DUS4L: variants seen among roughly 807,000 people sequenced by gnomAD.
DUS4L encodes the protein tRNA-dihydrouridine(20a/20b) synthase [NAD(P)+]-like.
Under a neutral mutation model 33.8 loss-of-function variants are expected in DUS4L, and 31 were observed. That is an observed-to-expected ratio of 0.92 (90% CI 0.69 to 1.24). The LOEUF (loss-of-function observed/expected upper bound fraction) is 1.24, where lower values mean the gene tolerates loss of function less well. DUS4L is among the 50% of genes most tolerant of loss of function. The pLI is 0.00. For synonymous variants in DUS4L, 103 were observed against 120.3 expected (o/e 0.86, Z 0.94); for missense variants, 368 against 388.6 (o/e 0.95, Z 0.45).
chr7:107,571,388 T>C, intron 4 of DUS4L, 122 bp downstream of exon 4: 2 of 1,368,090 alleles, frequency 1.5e-6, no homozygotes, highest in Non-Finnish European at 9.7e-7. Context: ...TTCTTTAGTG[T>C]TTTTAATAAG....
At chr7:107,575,952 C>T (rs944462848) in intron 6 of DUS4L, among the ~76,000 whole-genome samples, 3 of 152,210 alleles carry the variant, frequency 2.0e-5, no homozygotes, top group Non-Finnish European at 4.4e-5. Context: ...CTCAGCCTCT[C>T]AATGTGCTGG....
chr7:107,566,633 G>T (rs968496139), intron 2 of DUS4L, among the ~76,000 whole-genome samples: 34 of 152,204 alleles, frequency 2.2e-4, no homozygotes, highest in Non-Finnish European at 3.1e-4. Context: ...CTCTATTAAT[G>T]CCATTTAACT....
rs774814119 is a variant in DUS4L, at chr7:107,577,574, ATAATTT to A, written c.*19_*24del. 1.0e-5 allele frequency: 16 copies of A among 1,607,178 alleles called. No individual in the cohort carries two copies. Among genetic ancestry groups the A allele is most frequent in the African/African-American group, 2.7e-5 (2 of 74,634 alleles). On this transcript the variant is annotated 3_prime_UTR_variant, in exon 8 of 8. Transcript: ENST00000265720. ...TATGGCATTTGACTAGACTTCCCAA[ATAATTT>A]TAATATATACTTTTAGACCCACAGT...
intron 5 of DUS4L, 22 bp from the exon 6 acceptor site, chr7:107,575,166 T>C (rs373377019): frequency 1.2e-6 from 2 of 1,606,718 alleles, no homozygotes; most frequent in Middle Eastern, 1.7e-4. Context: ...AATTCACTTG[T>C]TCATGTGTTT....
At chr7:107,570,824 T>C (rs973910439) in intron 3 of DUS4L, 4 of 267,302 alleles carry the variant, frequency 1.5e-5, no homozygotes, top group Admixed American at 1.0e-4. Flanking sequence ...GCATCCATTG[T>C]TGTTTCCAGG....
At chr7:107,573,187 A>AT (rs1805418772) in intron 4 of DUS4L, among the ~76,000 whole-genome samples, 1 of 152,244 alleles carries the variant, frequency 6.6e-6, no homozygotes, top group Non-Finnish European at 1.5e-5. Context: ...TTAAATGCCT[A>AT]TTAACAATTC....
chr7:107,576,254 TATG>T, intron 6 of DUS4L, 109 bp from the exon 7 acceptor site: 1 of 1,038,122 alleles, frequency 9.6e-7, no homozygotes, highest in Non-Finnish European at 1.4e-6. Flanking sequence ...AGAGTAATAA[TATG>T]ATATAGCAAA....
chr7:107,569,539 T>C (rs1412440682), intron 3 of DUS4L, among the ~76,000 whole-genome samples: 1 of 152,252 alleles, frequency 6.6e-6, no homozygotes, highest in Non-Finnish European at 1.5e-5. Flanking sequence ...CTGACTTTCT[T>C]ACTAGGTTGA....
intron 6 of DUS4L, 140 bp from the exon 7 acceptor site, chr7:107,576,226 C>A: frequency 2.4e-6 from 2 of 823,870 alleles, no homozygotes; most frequent in Non-Finnish European, 3.7e-6. Context: ...CTGAAGAAAA[C>A]CTTGCTGATA....
At chr7:107,576,726 C>T (rs998147770) in intron 7 of DUS4L, 134 bp downstream of exon 7, 5 of 799,978 alleles carry the variant, frequency 6.3e-6, no homozygotes, top group African/African-American at 5.4e-5. Flanking sequence ...TTAAGCTAAG[C>T]GATTTATTAA....
At chr7:107,565,139 G>T (rs1279839212) in intron 2 of DUS4L, among the ~76,000 whole-genome samples, 1 of 152,114 alleles carries the variant, frequency 6.6e-6, no homozygotes, top group Non-Finnish European at 1.5e-5. Context: ...TCCTTCCTTG[G>T]CTTTATTCCC....
Position 107,578,122 on chromosome 7 carries a change from T to C in DUS4L, c.*562T>C, listed in dbSNP as rs1805930163. 1 of 152,188 alleles carries C rather than the reference T, an allele frequency of 6.6e-6. No individual in the cohort carries two copies. The highest frequency in any genetic ancestry group is 2.4e-5 in the African/African-American group (1 of 41,458). The allele number at this position is 152,188 out of a possible 1,614,324, so 9.4% of individuals were successfully genotyped here. ...TCAAAACTTCTAGGTCCTCCAAAGA[T>C]TGAAAGCTTAATAATCTCCTACCTA... On this transcript the variant is annotated 3_prime_UTR_variant, in exon 8 of 8. Transcript: ENST00000265720.
At position 107,577,569 on chromosome 7, in the gene DUS4L, C is replaced by G. The variant is rs539386355; in HGVS notation, c.*9C>G. ...ACCATTATGGCATTTGACTAGACTT[C>G]CCAAATAATTTTAATATATACTTTT... On this transcript the variant is annotated 3_prime_UTR_variant, in exon 8 of 8. Coordinates refer to ENST00000265720, the MANE Select transcript of DUS4L (RefSeq NM_181581.3). 1 of 1,608,194 alleles carries G rather than the reference C, an allele frequency of 6.2e-7. No individual in the cohort carries two copies. Among genetic ancestry groups the G allele is most frequent in the South Asian group, 1.1e-5 (1 of 90,718 alleles).
chr7:107,569,090 G>C (rs1804967388), intron 3 of DUS4L, among the ~76,000 whole-genome samples: 2 of 152,206 alleles, frequency 1.3e-5, no homozygotes, highest in Non-Finnish European at 2.9e-5. Flanking sequence ...AATAGTCCCA[G>C]CTGCTGGGAG....
chr7:107,572,842 CAAA>C (rs769843752), intron 4 of DUS4L, among the ~76,000 whole-genome samples: 1 of 106,520 alleles, frequency 9.4e-6, no homozygotes, highest in Admixed American at 1.0e-4. Context: ...GACTCTGTCT[CAAA>C]AAAAAAAAAA....
At chr7:107,573,976 G>A (rs954211110) in intron 5 of DUS4L, 155 bp downstream of exon 5, 1 of 1,093,812 alleles carries the variant, frequency 9.1e-7, no homozygotes, top group Non-Finnish European at 1.2e-6. Flanking sequence ...ATAGGGAAAT[G>A]TAATTTAGAA....
At position 107,570,892 on chromosome 7, in the gene DUS4L, C is replaced by A. The variant is rs569133917; in HGVS notation, c.117-253C>A. On this transcript the variant is annotated intron_variant, in intron 3 of 7. Coordinates refer to ENST00000265720, the MANE Select transcript of DUS4L (RefSeq NM_181581.3). The stretch of plus-strand genomic sequence containing the variant: ...ACAAAAATAAAACCCAGAGAACTCA[C>A]CACCCTGTCATTCCTCAGGTCCTGA... 2.2e-5 allele frequency: 8 copies of A among 364,574 alleles called. No homozygotes were observed. The East Asian group carries it at 5.8e-4, about 26-fold the overall frequency. 22.6% of individuals were successfully genotyped at this position (364,574 alleles called of 1,614,324 possible). A position where few individuals can be genotyped will look rare whatever the true frequency, so the allele number is the denominator to read the frequency against.
chr7:107,564,176 C>T lies in DUS4L; in HGVS notation c.-144C>T, dbSNP rs1584978090. The T allele has an allele frequency of 1.6e-6, 1 of 630,040 alleles. No individual in the cohort carries two copies. The highest frequency in any genetic ancestry group is 1.8e-5 in the African/African-American group (1 of 54,248). The allele number at this position is 630,040 out of a possible 1,614,324, so 39.0% of individuals were successfully genotyped here. A position where few individuals can be genotyped will look rare whatever the true frequency, so the allele number is the denominator to read the frequency against. ...CTCGCAGCAGCTCAGGGCCGCGCCC[C>T]CTGGGCTGGCGTCGTGCCCTAGCCA... On this transcript the variant is annotated 5_prime_UTR_variant, in exon 1 of 8. Transcript: ENST00000265720.
intron 3 of DUS4L, among the ~76,000 whole-genome samples, chr7:107,567,554 C>T (rs1042004126): frequency 3.3e-5 from 5 of 152,056 alleles, no homozygotes; most frequent in African/African-American, 4.8e-5. Flanking sequence ...GTTCAGTTTT[C>T]GAAGAAATAT....
Sources: allele counts gnomAD v4.1 joint callset (sites outside exome capture counted in the v4.1 genomes callset), GRCh38; gene constraint gnomAD v4.1.1; transcripts MANE v1.5; gene names NCBI Gene and HGNC (gene_info 2026-07-23, HGNC 2026-07-21).